PCDHA9: variants seen among roughly 807,000 people sequenced by gnomAD.
PCDHA9 encodes the protein protocadherin alpha 9.
Under a neutral mutation model 62.0 loss-of-function variants are expected in PCDHA9, and 62 were observed. The observed-to-expected ratio is 1.00, with a 90% CI of 0.81 to 1.23. The LOEUF is 1.23. Ranked by LOEUF, PCDHA9 falls within the 50% of genes most tolerant of loss-of-function variation. The probability of loss-of-function intolerance (pLI) is 0.00; values close to 1 mark genes in which losing one functional copy is unlikely to be tolerated. For missense variants in PCDHA9, 1,205 were observed against 1,249.8 expected, an observed-to-expected ratio of 0.96 and a Z score of 0.54; for synonymous variants, 557 against 567.6, an observed-to-expected ratio of 0.98 and a Z score of 0.27.
At chr5:140,991,985 A>G (rs114196704) in intron 3 of PCDHA9, among the ~76,000 whole-genome samples, 1,827 of 150,246 alleles carry the variant, frequency 0.012, 17 homozygotes, top group Non-Finnish European at 0.019. Context: ...TCTGCCTACC[A>G]CCCGGTCTTT....
At chr5:140,923,660 G>T (rs1442227445) in intron 1 of PCDHA9, among the ~76,000 whole-genome samples, 1 of 152,148 alleles carries the variant, frequency 6.6e-6, no homozygotes, top group South Asian at 2.1e-4. Context: ...TTATCTTTGG[G>T]ATATCGTTCT....
chr5:140,986,018 C>T (rs943946792), intron 3 of PCDHA9, among the ~76,000 whole-genome samples: 2 of 152,110 alleles, frequency 1.3e-5, no homozygotes, highest in African/African-American at 2.4e-5. Flanking sequence ...GGATTACAGG[C>T]GTGAGCCACT....
chr5:140,975,516 G>T (rs1310855349), intron 1 of PCDHA9, among the ~76,000 whole-genome samples: 1 of 152,166 alleles, frequency 6.6e-6, no homozygotes, highest in Non-Finnish European at 1.5e-5. Flanking sequence ...TGCAAAATCT[G>T]CAGTGGATAT....
chr5:140,871,760 G>C lies in PCDHA9; in HGVS notation c.2394+20871G>C, dbSNP rs191249350. Among the ~76,000 whole-genome samples the C allele has an allele frequency of 5.4e-3, 815 of 152,314 alleles. 3 individuals are homozygous for C. Among genetic ancestry groups the C allele is most frequent in the Middle Eastern group, 0.014 (4 of 294 alleles). The stretch of plus-strand genomic sequence containing the variant: ...AAATCCTAAAAGAAATGAGATGCAA[G>C]AGTGACTCTTCTGTAGTCACTTGAG... On this transcript the variant is annotated intron_variant, in intron 1 of 3. Coordinates refer to ENST00000532602, the MANE Select transcript of PCDHA9 (RefSeq NM_031857.2).
intron 1 of PCDHA9, chr5:140,862,793 A>G: frequency 1.7e-6 from 1 of 576,706 alleles, no homozygotes; most frequent in Non-Finnish European, 3.3e-6. Flanking sequence ...GACTACGAGG[A>G]GCTGGAGCTG....
Position 141,009,658 on chromosome 5 carries a change from C to T in PCDHA9, c.2574C>T (p.Val858=), listed in dbSNP as rs571898721. The T allele has an allele frequency of 6.2e-6, 10 of 1,613,948 alleles. No individual in the cohort carries two copies. Among genetic ancestry groups the T allele is most frequent in the South Asian group, 4.4e-5 (4 of 91,030 alleles). The change falls in exon 4 of 4, where the codon GTC becomes GTT. Residue 858 remains valine, a synonymous_variant. Transcript: ENST00000532602. ...EPEAGEVSPP[V]GAGVNSNSWT... ...AGGCAGGAGAAGTGTCCCCTCCAGT[C>T]GGTGCGGGTGTCAACAGCAACAGCT...
intron 3 of PCDHA9, among the ~76,000 whole-genome samples, chr5:141,009,392 G>A (rs1016452113): frequency 2.6e-5 from 4 of 152,184 alleles, no homozygotes; most frequent in Non-Finnish European, 4.4e-5. Flanking sequence ...ACAGGAGGTC[G>A]AGGCTGCAGT....
intron 1 of PCDHA9, chr5:140,927,546 A>G (rs1554204713): frequency 6.2e-7 from 1 of 1,614,146 alleles, no homozygotes; most frequent in Non-Finnish European, 8.5e-7. Flanking sequence ...GAGACGCACA[A>G]GTCACCATCA....
chr5:140,854,175 A>AAAAGAGT, intron 1 of PCDHA9: 1 of 674,398 alleles, frequency 1.5e-6, no homozygotes, highest in Non-Finnish European at 1.8e-6. Context: ...AAAAAAAAAA[A>AAAAGAGT]AGAGTAGTTT....
At chr5:140,905,351 TTGACTA>T (rs2071764307) in intron 1 of PCDHA9, among the ~76,000 whole-genome samples, 1 of 152,208 alleles carries the variant, frequency 6.6e-6, no homozygotes, top group Non-Finnish European at 1.5e-5. Context: ...CTGTAAGTAT[TTGACTA>T]TATTTCTGGT....
chr5:140,980,734 T>C (rs2096903764), intron 2 of PCDHA9, among the ~76,000 whole-genome samples: 3 of 151,998 alleles, frequency 2.0e-5, no homozygotes, highest in African/African-American at 4.8e-5. Context: ...TAAGATATTA[T>C]GAGATTTGAG....
chr5:140,966,385 G>C (rs1486179807), intron 1 of PCDHA9: 1 of 405,050 alleles, frequency 2.5e-6, no homozygotes, highest in East Asian at 3.6e-5. Flanking sequence ...CGGGTTCGCT[G>C]TCCGCCACTT....
At chr5:140,852,888 T>TA (rs1217426677) in intron 1 of PCDHA9, 2 of 919,976 alleles carry the variant, frequency 2.2e-6, no homozygotes, top group Non-Finnish European at 2.6e-6. Context: ...AAAACGTATT[T>TA]TTTTTTTTGA....
chr5:140,993,462 TCACACACACACA>T (rs3836747), intron 3 of PCDHA9, among the ~76,000 whole-genome samples: 1,999 of 141,038 alleles, frequency 0.014, 48 homozygotes, highest in African/African-American at 0.047. Context: ...TCTTTCTTTC[TCACACACACACA>T]CACACACACA....
At chr5:140,946,752 A>C (rs1470208958) in intron 1 of PCDHA9, among the ~76,000 whole-genome samples, 1 of 151,470 alleles carries the variant, frequency 6.6e-6, no homozygotes, top group East Asian at 1.9e-4. Context: ...CAAATACTGC[A>C]TGATCTCATT....
intron 1 of PCDHA9, among the ~76,000 whole-genome samples, chr5:140,934,787 C>A (rs1383149637): frequency 6.6e-6 from 1 of 152,096 alleles, no homozygotes; most frequent in African/African-American, 2.4e-5. Context: ...CAATCCATGT[C>A]AATTATCTTT....
At chr5:140,974,652 C>T (rs1238427822) in intron 1 of PCDHA9, among the ~76,000 whole-genome samples, 2 of 152,078 alleles carry the variant, frequency 1.3e-5, no homozygotes, top group East Asian at 1.9e-4. Context: ...GCTGAGATTA[C>T]AGGCATGCGC....
intron 1 of PCDHA9, among the ~76,000 whole-genome samples, chr5:140,932,585 T>C (rs1275216145): frequency 6.6e-6 from 1 of 151,944 alleles, no homozygotes; most frequent in Non-Finnish European, 1.5e-5. Flanking sequence ...GGTAATTAGA[T>C]GTTTTGTATA....
intron 1 of PCDHA9, chr5:140,861,500 C>A: frequency 6.2e-6 from 3 of 482,022 alleles, no homozygotes; most frequent in South Asian, 1.6e-5. Flanking sequence ...CTCTGATAGA[C>A]CTCGAGGAGC....
Sources: allele counts gnomAD v4.1 joint callset (sites outside exome capture counted in the v4.1 genomes callset), GRCh38; gene constraint gnomAD v4.1.1; transcripts MANE v1.5; gene names NCBI Gene and HGNC (gene_info 2026-07-23, HGNC 2026-07-21).